The following TFDP1 variants were observed in gnomAD, a reference collection of about 807,000 sequenced individuals.
TFDP1 encodes transcription factor Dp-1.
Under a neutral mutation model 48.0 loss-of-function variants are expected in TFDP1, and 6 were observed. The ratio of observed to expected loss-of-function variants is 0.13; its 90% CI spans 0.07 to 0.25. The LOEUF (loss-of-function observed/expected upper bound fraction) is 0.25. TFDP1 is among the 10% of genes least tolerant of loss of function. TFDP1 has a pLI of 1.00. For synonymous variants in TFDP1, 201 were observed against 211.6 expected (o/e 0.95, Z 0.44); for missense variants, 335 against 543.0 (o/e 0.62, Z 3.81).
intron 1 of TFDP1, 193 bp from the exon 2 acceptor site, chr13:113,585,581 G>T: frequency 2.5e-6 from 1 of 399,310 alleles, no homozygotes; most frequent in Non-Finnish European, 4.6e-6. Context: ...TTTCCGCAGG[G>T]GGCATTTCCG....
At chr13:113,617,360 A>G (rs1378122878) in intron 3 of TFDP1, among the ~76,000 whole-genome samples, 1 of 151,954 alleles carries the variant, frequency 6.6e-6, no homozygotes, top group Non-Finnish European at 1.5e-5. Context: ...AGAGAAGAAC[A>G]TTCTGTTGTG....
rs1013196709 is a variant in TFDP1 at position 113,640,426 on chromosome 13, C to A, written c.*159C>A. 2.4e-5 allele frequency: 30 copies of A among 1,263,074 alleles called. 1 individual carries two copies. The highest frequency in any genetic ancestry group is 1.2e-5 in the Non-Finnish European group (11 of 938,566). 78.2% of individuals were successfully genotyped at this position (1,263,074 alleles called of 1,614,324 possible). On this transcript the variant is annotated 3_prime_UTR_variant, in exon 12 of 12. Transcript: ENST00000375370. ...CCTCTGATAAGCAAGGATTGTTTCC[C>A]GTAGGATTAGGACGTGCTGTGGATG...
intron 3 of TFDP1, among the ~76,000 whole-genome samples, chr13:113,617,356 G>C (rs919245499): frequency 4.6e-5 from 7 of 151,292 alleles, no homozygotes; most frequent in African/African-American, 1.7e-4. Flanking sequence ...CAACAGAGAA[G>C]AACATTCTGT....
intron 3 of TFDP1, among the ~76,000 whole-genome samples, chr13:113,616,211 A>AG (rs1290778937): frequency 7.3e-6 from 1 of 137,598 alleles, no homozygotes; most frequent in East Asian, 2.1e-4. Context: ...TCCAAAAAAA[A>AG]AAAAAAAAAG....
intron 2 of TFDP1, among the ~76,000 whole-genome samples, chr13:113,601,276 G>T (rs941202452): frequency 4.8e-5 from 7 of 145,624 alleles, no homozygotes; most frequent in Admixed American, 3.4e-4. Context: ...AGCCTGTCCC[G>T]GGCGGCCCTG....
rs530475533 is a variant in TFDP1 at position 113,625,000 on chromosome 13, G to A, written c.186+1714G>A. The stretch of plus-strand genomic sequence containing the variant: ...ACATGTCCTCAGGTGTCTCTCACGT[G>A]TCCTCAGGTGTCTCTCACGTGTCCT... On this transcript the variant is annotated intron_variant, in intron 4 of 11. Coordinates refer to ENST00000375370, the MANE Select transcript of TFDP1 (RefSeq NM_007111.5). 2.3e-5 allele frequency among the ~76,000 whole-genome samples: 3 copies of A among 129,862 alleles called. No individual in the cohort carries two copies. The South Asian group carries it at 7.7e-4, about 33-fold the overall frequency. The allele number at this position is 129,862 out of a possible 152,430, so 85.2% of individuals were successfully genotyped here.
At chr13:113,592,645 C>T (rs2048173266) in intron 2 of TFDP1, among the ~76,000 whole-genome samples, 1 of 152,248 alleles carries the variant, frequency 6.6e-6, no homozygotes, top group South Asian at 2.1e-4. Flanking sequence ...TGATCCGCTC[C>T]AGTGAATGGG....
rs558520754 is a variant in TFDP1 at position 113,598,793 on chromosome 13, G to A, written c.13-12203G>A. Among the ~76,000 whole-genome samples the A allele has an allele frequency of 1.3e-5, 2 of 152,292 alleles. No homozygotes were observed. The highest frequency in any genetic ancestry group is 2.1e-4 in the South Asian group (1 of 4,824). On this transcript the variant is annotated intron_variant, in intron 2 of 11. Coordinates refer to ENST00000375370, the MANE Select transcript of TFDP1 (RefSeq NM_007111.5). The surrounding 1 kb of genome is among the most constrained non-coding windows in gnomAD (Gnocchi z 4.2). ...GTGGCCGCCGTCCCTCTGTCCGCTC[G>A]GGGTAGCCAGCTTCCTCTGACTCTT... is the stretch of plus-strand genomic sequence containing the variant.
intron 5 of TFDP1, 80 bp downstream of exon 5, chr13:113,631,824 TCACA>T: frequency 6.4e-7 from 1 of 1,573,024 alleles, no homozygotes. Context: ...GCCACGTGTG[TCACA>T]CAGTCGTGCG....
chr13:113,620,393 T>G (rs558769874), intron 3 of TFDP1, among the ~76,000 whole-genome samples: 3 of 152,310 alleles, frequency 2.0e-5, no homozygotes, highest in South Asian at 4.1e-4. Context: ...TGATGGAGAG[T>G]GACAGTGCCA....
rs895220025 is a variant in TFDP1, at chr13:113,607,992, G to T, written c.13-3004G>T. 6.6e-6 allele frequency among the ~76,000 whole-genome samples: 1 copy of T among 152,334 alleles called. No homozygotes were observed. Among genetic ancestry groups the T allele is most frequent in the East Asian group, 1.9e-4 (1 of 5,180 alleles). On this transcript the variant is annotated intron_variant, in intron 2 of 11. Transcript: ENST00000375370. This position sits in a 1 kb window ranked among gnomAD's most constrained non-coding sequence, Gnocchi z 5.2. ...TGCATATGAGGAGTGTTTTCTGTGAGCAGCGGTGGAACATTTACAGACACG... is the reference window on the plus strand; with the variant it reads ...TGCATATGAGGAGTGTTTTCTGTGATCAGCGGTGGAACATTTACAGACACG...
chr13:113,608,150 T>C (rs76432291), intron 2 of TFDP1, among the ~76,000 whole-genome samples: 2,772 of 152,246 alleles, frequency 0.018, 84 homozygotes, highest in African/African-American at 0.063. Flanking sequence ...GTCTTCCACA[T>C]GCCCTGCAGG....
intron 4 of TFDP1, among the ~76,000 whole-genome samples, chr13:113,629,033 G>A (rs929323551): frequency 6.6e-6 from 1 of 152,370 alleles, no homozygotes; most frequent in East Asian, 1.9e-4. Context: ...CCTCTGTCTC[G>A]TTCCTGGGAG....
intron 3 of TFDP1, among the ~76,000 whole-genome samples, chr13:113,613,985 TGA>T (rs1417319086): frequency 7.0e-6 from 1 of 143,464 alleles, no homozygotes; most frequent in East Asian, 2.0e-4. Context: ...GCATGTGTTG[TGA>T]GTGTGCATGA....
chr13:113,591,161 G>T (rs2048135081), intron 2 of TFDP1, among the ~76,000 whole-genome samples: 1 of 151,412 alleles, frequency 6.6e-6, no homozygotes, highest in Non-Finnish European at 1.5e-5. Context: ...GGCCAACATG[G>T]CAAAACCCTG....
rs79658211 is a variant in TFDP1, at chr13:113,614,343, T to G, written c.79+3281T>G. ...TCTTCACTAGTGGGCCCCCCTTGCCTCTAGTTGGGAGTGGGGTGGTCCAGG... is the reference window on the plus strand; with the variant it reads ...TCTTCACTAGTGGGCCCCCCTTGCCGCTAGTTGGGAGTGGGGTGGTCCAGG... On this transcript the variant is annotated intron_variant, in intron 3 of 11. Coordinates refer to ENST00000375370, the MANE Select transcript of TFDP1 (RefSeq NM_007111.5). Among the ~76,000 whole-genome samples the G allele has an allele frequency of 6.9e-3, 1,054 of 152,250 alleles. 38 individuals are homozygous for G. In the East Asian group the frequency reaches 0.11, roughly 16 times the overall value.
rs377445542 is a variant in TFDP1 at position 113,606,467 on chromosome 13, G to A, written c.13-4529G>A. Among the ~76,000 whole-genome samples, 4 of 152,224 alleles carry A rather than the reference G, an allele frequency of 2.6e-5. No homozygotes were observed. The East Asian group carries it at 5.8e-4, about 22-fold the overall frequency. The stretch of plus-strand genomic sequence containing the variant: ...CCTCTCCTGGTGGAAGGGCCAGGGA[G>A]CCCCTTTATCAGGGCACATACTCCA... On this transcript the variant is annotated intron_variant, in intron 2 of 11. Coordinates refer to ENST00000375370, the MANE Select transcript of TFDP1 (RefSeq NM_007111.5).
chr13:113,621,563 A>G (rs111276572), intron 3 of TFDP1, among the ~76,000 whole-genome samples: 3,074 of 152,336 alleles, frequency 0.02, 109 homozygotes, highest in African/African-American at 0.069. Context: ...TACAATCATA[A>G]CCCAGGAAAA....
intron 8 of TFDP1, 34 bp from the exon 9 acceptor site, chr13:113,635,943 C>T: frequency 6.2e-7 from 1 of 1,602,946 alleles, no homozygotes; most frequent in Non-Finnish European, 8.5e-7. Context: ...TCTTGTGCCG[C>T]CACGGGCCAC....
Sources: allele counts gnomAD v4.1 joint callset (sites outside exome capture counted in the v4.1 genomes callset), GRCh38; gene constraint gnomAD v4.1.1; non-coding constraint Gnocchi (gnomAD v3.1); transcripts MANE v1.5; gene names NCBI Gene and HGNC (gene_info 2026-07-23, HGNC 2026-07-21).